ARSB: variants seen among roughly 807,000 people sequenced by gnomAD.
ARSB encodes the protein N-acetylgalactosamine-4-sulfatase.
Under a neutral mutation model 50.9 loss-of-function variants are expected in ARSB, and 41 were observed. The ratio of observed to expected loss-of-function variants is 0.81; its 90% confidence interval spans 0.63 to 1.04. ARSB has a LOEUF of 1.04. ARSB is among the 50% of genes least tolerant of loss of function. The probability of loss-of-function intolerance (pLI) is 0.00; values close to 1 mark genes in which losing one functional copy is unlikely to be tolerated. For synonymous variants in ARSB, 269 were observed against 284.8 expected, an observed-to-expected ratio of 0.94 and a Z score of 0.56; for missense variants, 672 against 693.3, an observed-to-expected ratio of 0.97 and a Z score of 0.35.
chr5:78,957,811 C>T (rs1007420552), intron 3 of ARSB, among the ~76,000 whole-genome samples: 14 of 151,992 alleles, frequency 9.2e-5, no homozygotes, highest in African/African-American at 2.4e-5. Context: ...GCAGGTGCAT[C>T]GCTGACCTGA....
rs113233332 is a variant in ARSB, at chr5:78,938,967, T to C, written c.898+16328A>G. Among the ~76,000 whole-genome samples the C allele has an allele frequency of 9.0e-3, 1,364 of 152,352 alleles. 21 individuals carry two copies. The highest frequency in any genetic ancestry group is 0.031 in the African/African-American group (1,298 of 41,588). On this transcript the variant is annotated intron_variant, in intron 4 of 7. Coordinates refer to ENST00000264914, the MANE Select transcript of ARSB (RefSeq NM_000046.5). ...TTCACTGCAGGACTGGCCTGAGCAC[T>C]GCAGATGCCTGTTCACTAAATGGAA...
intron 5 of ARSB, 145 bp downstream of exon 5, chr5:78,885,439 C>T: frequency 1.7e-6 from 2 of 1,179,564 alleles, no homozygotes; most frequent in Non-Finnish European, 2.3e-6. Context: ...CTTACAATGT[C>T]TCTAAAGGCA....
chr5:78,984,011 T>C (rs1227721792), intron 1 of ARSB, among the ~76,000 whole-genome samples: 1 of 152,168 alleles, frequency 6.6e-6, no homozygotes, highest in African/African-American at 2.4e-5. Context: ...CTTAGAAATA[T>C]GACAATCGTA....
intron 4 of ARSB, among the ~76,000 whole-genome samples, chr5:78,907,981 T>C (rs529960364): frequency 6.6e-6 from 1 of 152,250 alleles, no homozygotes; most frequent in East Asian, 1.9e-4. Flanking sequence ...AGTCTTGTGG[T>C]AATCAGGGCA....
At chr5:78,887,616 A>G (rs1205899330) in intron 4 of ARSB, among the ~76,000 whole-genome samples, 2 of 152,230 alleles carry the variant, frequency 1.3e-5, no homozygotes, top group Non-Finnish European at 2.9e-5. Flanking sequence ...CATGGTAGTA[A>G]CTGCTGTTGT....
intron 4 of ARSB, among the ~76,000 whole-genome samples, chr5:78,947,328 C>G (rs1170553409): frequency 6.6e-6 from 1 of 152,004 alleles, no homozygotes; most frequent in Admixed American, 6.6e-5. Flanking sequence ...AAATGACCAA[C>G]AAAGTGAAGA....
chr5:78,932,936 C>A (rs1424294659), intron 4 of ARSB, among the ~76,000 whole-genome samples: 1 of 152,178 alleles, frequency 6.6e-6, no homozygotes. Flanking sequence ...TCACACAACT[C>A]CACTCATATT....
chr5:78,785,093 T>C, intron 6 of ARSB, among the ~76,000 whole-genome samples: 1 of 152,212 alleles, frequency 6.6e-6, no homozygotes, highest in East Asian at 1.9e-4. Flanking sequence ...TCACCGCACC[T>C]GGCCTGATTT....
intron 3 of ARSB, among the ~76,000 whole-genome samples, chr5:78,955,814 A>G (rs1365068005): frequency 6.6e-6 from 1 of 152,256 alleles, no homozygotes; most frequent in East Asian, 1.9e-4. Context: ...ATTAAGATGC[A>G]AATTAAAACC....
chr5:78,830,736 A>G (rs1210862494), intron 6 of ARSB, among the ~76,000 whole-genome samples: 1 of 152,218 alleles, frequency 6.6e-6, no homozygotes, highest in African/African-American at 2.4e-5. Context: ...GCAGACTAGA[A>G]GCCTTTGAAA....
chr5:78,823,733 T>G (rs553275153), intron 6 of ARSB, among the ~76,000 whole-genome samples: 1 of 152,364 alleles, frequency 6.6e-6, no homozygotes, highest in South Asian at 2.1e-4. Flanking sequence ...AATCTTCATG[T>G]CTTGCTGGCT....
At chr5:78,818,453 A>C (rs1449934664) in intron 6 of ARSB, among the ~76,000 whole-genome samples, 1 of 152,114 alleles carries the variant, frequency 6.6e-6, no homozygotes, top group Non-Finnish European at 1.5e-5. Flanking sequence ...AAAAACTCCC[A>C]TTTGTAAGGT....
intron 6 of ARSB, among the ~76,000 whole-genome samples, chr5:78,793,490 T>C (rs1323291361): frequency 6.6e-6 from 1 of 152,116 alleles, no homozygotes; most frequent in Non-Finnish European, 1.5e-5. Flanking sequence ...TGAGCATGGA[T>C]GTACGCAGTT....
rs879546741 is a variant in ARSB at position 78,777,466 on chromosome 5, A to C, written c.*2931T>G. On this transcript the variant is annotated 3_prime_UTR_variant, in exon 8 of 8. Transcript: ENST00000264914. ...CCATACATATGGCTGACACATTTTAAAAGATTAATTTTATTTTGTCCCCCA... is the reference window on the plus strand; with the variant it reads ...CCATACATATGGCTGACACATTTTACAAGATTAATTTTATTTTGTCCCCCA... 2.6e-5 allele frequency: 4 copies of C among 152,602 alleles called. No individual in the cohort carries two copies. Among genetic ancestry groups the C allele is most frequent in the Non-Finnish European group, 5.9e-5 (4 of 68,050 alleles). The allele number at this position is 152,602 out of a possible 1,614,324, so 9.5% of individuals were successfully genotyped here. A position where few individuals can be genotyped will look rare whatever the true frequency, so the allele number is the denominator to read the frequency against.
intron 4 of ARSB, among the ~76,000 whole-genome samples, chr5:78,908,088 C>G (rs1216570093): frequency 6.6e-6 from 1 of 152,158 alleles, no homozygotes; most frequent in Non-Finnish European, 1.5e-5. Flanking sequence ...TCCAGTGTAG[C>G]TGTATGCTGG....
intron 5 of ARSB, among the ~76,000 whole-genome samples, chr5:78,874,623 A>G (rs1375862669): frequency 6.6e-6 from 1 of 152,094 alleles, no homozygotes; most frequent in Non-Finnish European, 1.5e-5. Flanking sequence ...TAAATGTAAC[A>G]AAACAATGAA....
chr5:78,968,914 T>C, intron 2 of ARSB, 92 bp downstream of exon 2: 1 of 1,397,602 alleles, frequency 7.2e-7, no homozygotes, highest in Non-Finnish European at 1.0e-6. Flanking sequence ...TGTTCAAATA[T>C]CCAGTTCTTT....
At chr5:78,835,007 CTTTCA>C (rs1171087414) in intron 6 of ARSB, among the ~76,000 whole-genome samples, 1 of 122,424 alleles carries the variant, frequency 8.2e-6, no homozygotes, top group East Asian at 2.7e-4. Context: ...CCTTTTCTTT[CTTTCA>C]TTTTTTAAAT....
At chr5:78,832,235 G>T (rs1186699656) in intron 6 of ARSB, among the ~76,000 whole-genome samples, 3 of 152,178 alleles carry the variant, frequency 2.0e-5, no homozygotes, top group Non-Finnish European at 4.4e-5. Context: ...AAGGCGCAGG[G>T]CAACAAGGGA....
Sources: allele counts gnomAD v4.1 joint callset (sites outside exome capture counted in the v4.1 genomes callset), GRCh38; gene constraint gnomAD v4.1.1; transcripts MANE v1.5; gene names NCBI Gene and HGNC (gene_info 2026-07-23, HGNC 2026-07-21).